NANOS3: variants seen among roughly 807,000 people sequenced by gnomAD.
NANOS3 encodes nanos homolog 3.
In NANOS3, 11 loss-of-function variants were observed where a neutral mutation model predicts 13.8. The ratio of observed to expected loss-of-function variants is 0.80; its 90% CI spans 0.50 to 1.32. NANOS3 has a LOEUF of 1.32. Ranked by LOEUF, NANOS3 falls within the 40% of genes most tolerant of loss-of-function variation. The probability of loss-of-function intolerance (pLI) is 0.00; values close to 1 mark genes in which losing one functional copy is unlikely to be tolerated. For missense variants in NANOS3, 221 were observed against 263.8 expected (o/e 0.84, Z 1.12); for synonymous variants, 119 against 115.4 (o/e 1.03, Z -0.20).
upstream of NANOS3, among the ~76,000 whole-genome samples, chr19:13,875,684 C>G (rs1015816673): frequency 2.0e-5 from 3 of 151,896 alleles, no homozygotes; most frequent in African/African-American, 7.3e-5. Context: ...TAGCCGGAAC[C>G]ACGGGCACGC....
At chr19:13,867,306 ACGATCTAGGCTCAC>A (rs1976257172) in intron 1 of NANOS3, among the ~76,000 whole-genome samples, 1 of 151,884 alleles carries the variant, frequency 6.6e-6, no homozygotes, top group Non-Finnish European at 1.5e-5. Flanking sequence ...GTGCAGTGGC[ACGATCTAGGCTCAC>A]TGCAATCTAG....
rs567046251 is a variant in NANOS3 at position 13,880,368 on chromosome 19, G to A, written c.518-74G>A. The stretch of plus-strand genomic sequence containing the variant: ...CAGAGGTCCAGCAGGCCCGGAGGCC[G>A]AGTCCGTGGGCAACTTGGGGAGCGT... On this transcript the variant is annotated intron_variant, in intron 1 of 1. Coordinates refer to ENST00000339133, the MANE Select transcript of NANOS3 (RefSeq NM_001098622.3). 4.9e-6 allele frequency: 7 copies of A among 1,433,606 alleles called. No homozygotes were observed. In the East Asian group the frequency reaches 1.1e-4, roughly 23 times the overall value. The allele number at this position is 1,433,606 out of a possible 1,614,324, so 88.8% of individuals were successfully genotyped here.
upstream of NANOS3, among the ~76,000 whole-genome samples, chr19:13,873,910 CG>C (rs538708862): frequency 3.3e-3 from 218 of 65,856 alleles, 2 homozygotes; most frequent in African/African-American, 0.013. Flanking sequence ...GCACCCGGGG[CG>C]GGGGGGTGGT....
intron 1 of NANOS3, among the ~76,000 whole-genome samples, chr19:13,866,523 A>G (rs1976244090): frequency 6.6e-6 from 1 of 151,306 alleles, no homozygotes; most frequent in Non-Finnish European, 1.5e-5. Context: ...ACACACACAT[A>G]CAGTCCCCAC....
chr19:13,872,096 C>T (rs1327630618), intron 1 of NANOS3, among the ~76,000 whole-genome samples: 1 of 147,958 alleles, frequency 6.8e-6, no homozygotes, highest in Admixed American at 6.8e-5. Flanking sequence ...TGCTGGGTGC[C>T]GTGGTTCATG....
At chr19:13,864,251 T>A (rs1043018339), upstream of NANOS3, among the ~76,000 whole-genome samples, 1 of 151,880 alleles carries the variant, frequency 6.6e-6, no homozygotes, top group Non-Finnish European at 1.5e-5. Context: ...TGTGCAAGGA[T>A]CTTTGGGAGA....
upstream of NANOS3, among the ~76,000 whole-genome samples, chr19:13,864,058 G>A (rs1046742545): frequency 1.3e-5 from 2 of 152,242 alleles, no homozygotes; most frequent in Admixed American, 6.5e-5. Context: ...AGCTCAGCCC[G>A]GGCCAATGGG....
rs34546663 is a variant in NANOS3 at position 13,868,683 on chromosome 19, T to TAA, written n.21+3259_21+3260dup. On this transcript the variant is annotated intron_variant and non_coding_transcript_variant, in intron 1 of 2. Transcript: ENST00000591161. ...GGTGACAGCGAGACCTAGTCTCTTT[T>TAA]AAAAAAAAAAAAAAGAATGAAATCC... 1.5e-3 allele frequency among the ~76,000 whole-genome samples: 208 copies of TAA among 142,128 alleles called. 2 individuals carry two copies. The highest frequency in any genetic ancestry group is 3.2e-3 in the African/African-American group (124 of 38,356). The allele number at this position is 142,128 out of a possible 152,430, so 93.2% of individuals were successfully genotyped here. A position where few individuals can be genotyped will look rare whatever the true frequency, so the allele number is the denominator to read the frequency against.
upstream of NANOS3, among the ~76,000 whole-genome samples, chr19:13,873,932 T>A (rs927747847): frequency 1.3e-5 from 2 of 151,864 alleles, no homozygotes; most frequent in Admixed American, 1.3e-4. Flanking sequence ...CGCCGAACTC[T>A]GTGCGATCAC....
intron 1 of NANOS3, among the ~76,000 whole-genome samples, chr19:13,870,883 A>G (rs1252764350): frequency 6.6e-6 from 1 of 151,792 alleles, no homozygotes; most frequent in Non-Finnish European, 1.5e-5. Flanking sequence ...CCCGGCTCAT[A>G]ACGTGGCTTT....
chr19:13,880,330 C>A (rs762763182), intron 1 of NANOS3, 112 bp from the exon 2 acceptor site: 113 of 965,194 alleles, frequency 1.2e-4, no homozygotes, highest in Non-Finnish European at 1.8e-4. Flanking sequence ...CCGGAGCAGC[C>A]CCTGGGTGGC....
At chr19:13,879,795 C>G (rs1968593511) in intron 1 of NANOS3, among the ~76,000 whole-genome samples, 2 of 151,592 alleles carry the variant, frequency 1.3e-5, no homozygotes, top group African/African-American at 4.9e-5. Flanking sequence ...GAAGCTGAGG[C>G]AGGTGGATCA....
upstream of NANOS3, among the ~76,000 whole-genome samples, chr19:13,875,467 A>G (rs567886082): frequency 2.0e-5 from 3 of 152,074 alleles, no homozygotes; most frequent in Non-Finnish European, 2.9e-5. Flanking sequence ...GATTACAGGC[A>G]TGAGCCACTT....
In NANOS3 at chr19:13,880,650, T is replaced by C. The variant is rs999392057; in HGVS notation, c.*147T>C. The C allele has an allele frequency of 2.9e-6, 2 of 685,658 alleles. No individual in the cohort carries two copies. The highest frequency in any genetic ancestry group is 1.8e-5 in the South Asian group (1 of 56,626). The allele number at this position is 685,658 out of a possible 1,614,324, so 42.5% of individuals were successfully genotyped here. ...GACCCGGGGTTGGCAAGGGAAGAGC[T>C]GAAATCGCCCTGTCCTTGGGGACCC... On this transcript the variant is annotated 3_prime_UTR_variant, in exon 2 of 2. Coordinates refer to ENST00000339133, the MANE Select transcript of NANOS3 (RefSeq NM_001098622.3).
At chr19:13,875,635 T>G (rs1242602373), upstream of NANOS3, among the ~76,000 whole-genome samples, 1 of 152,094 alleles carries the variant, frequency 6.6e-6, no homozygotes, top group Admixed American at 6.6e-5. Flanking sequence ...CTCTAATAAC[T>G]GGAGTCAAGC....
intron 1 of NANOS3, among the ~76,000 whole-genome samples, chr19:13,878,154 T>C (rs535659881): frequency 6.7e-6 from 1 of 149,032 alleles, no homozygotes; most frequent in East Asian, 2.0e-4. Context: ...GTCTCAAAAC[T>C]CCTGATCTCG....
At chr19:13,874,566 G>C (rs1968470545), upstream of NANOS3, 1 of 375,452 alleles carries the variant, frequency 2.7e-6, no homozygotes, top group Non-Finnish European at 5.6e-6. Context: ...GTTTTTCCCA[G>C]ATCTAGGTGC....
intron 1 of NANOS3, among the ~76,000 whole-genome samples, chr19:13,871,278 C>T (rs1976323732): frequency 6.6e-6 from 1 of 152,060 alleles, no homozygotes; most frequent in African/African-American, 2.4e-5. Flanking sequence ...GGCAGGTGCA[C>T]GGGCTGGGCA....
At chr19:13,875,088 G>A (rs558461965), upstream of NANOS3, 15 of 387,600 alleles carry the variant, frequency 3.9e-5, no homozygotes, top group Non-Finnish European at 6.9e-5. Flanking sequence ...CTTTGGAGAG[G>A]AGAGCTGGTG....
Sources: gnomAD v4.1 joint callset for allele counts (sites outside exome capture counted in the v4.1 genomes callset) on GRCh38, gnomAD v4.1.1 for gene constraint, MANE v1.5 for transcripts, NCBI Gene and HGNC (gene_info 2026-07-23, HGNC 2026-07-21) for gene names.